ANK2: variants seen among roughly 807,000 people sequenced by gnomAD.
The protein encoded by ANK2 is ankyrin-2.
In ANK2, 83 loss-of-function variants were observed where a neutral mutation model predicts 360.5. The observed-to-expected ratio is 0.23, with a 90% CI of 0.19 to 0.28. The LOEUF is 0.28. Among genes scored for constraint, ANK2 ranks in the 10% least tolerant of loss-of-function variants. ANK2 has a pLI of 1.00. For missense variants in ANK2, 4,201 were observed against 4,795.7 expected, an observed-to-expected ratio of 0.88 and a Z score of 3.66; for synonymous variants, 1,740 against 1,759.5, an observed-to-expected ratio of 0.99 and a Z score of 0.28.
chr4:112,845,989 G>A (rs1370228522), intron 1 of ANK2, among the ~76,000 whole-genome samples: 1 of 152,078 alleles, frequency 6.6e-6, no homozygotes, highest in Non-Finnish European at 1.5e-5. Context: ...AGTTACCATG[G>A]CTTTACTTTG....
At chr4:112,768,283 T>C in the ANK2 span, among the ~76,000 whole-genome samples, 12 of 152,184 alleles carry the variant, frequency 7.9e-5, no homozygotes, top group Non-Finnish European at 1.0e-4. Flanking sequence ...AGATAAGGTC[T>C]CACTCTGTCA....
intron 37 of ANK2, among the ~76,000 whole-genome samples, chr4:113,351,939 T>C (rs893264344): frequency 3.9e-5 from 6 of 152,196 alleles, no homozygotes; most frequent in African/African-American, 1.4e-4. Flanking sequence ...ATCAGTACAT[T>C]TTAGAAGAGT....
chr4:113,248,066 A>G (rs148713654), intron 9 of ANK2, among the ~76,000 whole-genome samples: 64 of 152,294 alleles, frequency 4.2e-4, no homozygotes, highest in African/African-American at 1.2e-3. Context: ...TGAGAAGGCA[A>G]TCTTTTCATG....
chr4:112,801,586 A>G, the ANK2 span, among the ~76,000 whole-genome samples: 1 of 152,214 alleles, frequency 6.6e-6, no homozygotes, highest in Admixed American at 6.5e-5. Flanking sequence ...GGAGGAGCTG[A>G]TAACTAAGTT....
chr4:113,094,154 G>A (rs1481251942), intron 1 of ANK2, among the ~76,000 whole-genome samples: 1 of 152,154 alleles, frequency 6.6e-6, no homozygotes, highest in African/African-American at 2.4e-5. Flanking sequence ...TAAGTCGGAT[G>A]TTGATGTGAA....
chr4:112,948,391 CAT>C (rs930563730), intron 2 of ANK2, among the ~76,000 whole-genome samples: 1 of 151,848 alleles, frequency 6.6e-6, no homozygotes, highest in Non-Finnish European at 1.5e-5. Context: ...TAAAGTTGAA[CAT>C]GTTTTTTTTT....
At chr4:113,156,780 CTA>C (rs10599338) in intron 1 of ANK2, among the ~76,000 whole-genome samples, 2,040 of 148,186 alleles carry the variant, frequency 0.014, 44 homozygotes, top group African/African-American at 0.047. Context: ...TTCAAATGTC[CTA>C]TATATATATA....
intron 28 of ANK2, 31 bp downstream of exon 28, chr4:113,332,101 G>A (rs778179315): frequency 1.3e-6 from 2 of 1,547,676 alleles, no homozygotes; most frequent in Non-Finnish European, 1.8e-6. Context: ...ATTGATGGCT[G>A]CTGGCCCCCC....
Position 113,255,907 on chromosome 4 carries a change from G to T in ANK2, c.1163G>T (p.Arg388Ile). The change falls in exon 11 of 46, where the codon AGA (arginine) becomes ATA (isoleucine). Residue 388 changes from arginine (R) to isoleucine (I), a missense_variant. By Grantham distance (97) the Arg-to-Ile change is moderately conservative. Coordinates refer to ENST00000357077, the MANE Select transcript of ANK2 (RefSeq NM_001148.6). ...GTAACCAAACTCCTTTTAGACAAGA[G>T]AGCCAATCCGAACGCCAGAGCCCTG... ...YRVTKLLLDK[R>I]ANPNARALNG... The T allele has an allele frequency of 2.5e-6, 4 of 1,614,184 alleles. No individual in the cohort carries two copies. The highest frequency in any genetic ancestry group is 3.4e-6 in the Non-Finnish European group (4 of 1,180,038).
At chr4:112,735,305 T>C in the ANK2 span, among the ~76,000 whole-genome samples, 1 of 152,056 alleles carries the variant, frequency 6.6e-6, no homozygotes, top group South Asian at 2.1e-4. Context: ...CACTCCAGGC[T>C]GGGTGGCAGA....
At chr4:113,348,142 G>C in intron 35 of ANK2, 134 bp from the exon 36 acceptor site, 2 of 829,488 alleles carry the variant, frequency 2.4e-6, no homozygotes, top group Non-Finnish European at 4.0e-6. Flanking sequence ...AATAAAAAAA[G>C]AGTATGTTGA....
chr4:113,261,899 A>G (rs757609278), intron 13 of ANK2, among the ~76,000 whole-genome samples: 1 of 152,220 alleles, frequency 6.6e-6, no homozygotes, highest in Non-Finnish European at 1.5e-5. Context: ...TAAAAAATAA[A>G]CATGAAGGCC....
the ANK2 span, among the ~76,000 whole-genome samples, chr4:112,728,847 TAAC>T: frequency 6.6e-6 from 1 of 152,154 alleles, no homozygotes; most frequent in African/African-American, 2.4e-5. Flanking sequence ...AATTTTAAAA[TAAC>T]AACTGTTGGT....
intron 13 of ANK2, among the ~76,000 whole-genome samples, chr4:113,263,910 AC>A (rs1366718293): frequency 6.6e-6 from 1 of 152,202 alleles, no homozygotes; most frequent in Non-Finnish European, 1.5e-5. Flanking sequence ...TAGAGTAATA[AC>A]CGGCTACTTG....
chr4:113,264,774 C>T (rs2054990268), intron 13 of ANK2, 123 bp from the exon 14 acceptor site: 1 of 945,408 alleles, frequency 1.1e-6, no homozygotes, highest in Non-Finnish European at 1.6e-6. Flanking sequence ...ATAATTATGC[C>T]TTTTCATAGG....
intron 2 of ANK2, among the ~76,000 whole-genome samples, chr4:112,905,390 C>A (rs867697960): frequency 6.6e-6 from 1 of 152,090 alleles, no homozygotes; most frequent in Non-Finnish European, 1.5e-5. Flanking sequence ...GAGAAATCAA[C>A]TTAGCTTTTT....
rs768810463 is a variant in ANK2, at chr4:113,365,020, T to C, written c.10889-19T>C. On this transcript the variant is annotated intron_variant, in intron 40 of 45. Coordinates refer to ENST00000357077, the MANE Select transcript of ANK2 (RefSeq NM_001148.6). ...AGTACCTCTCAGACATAATAAATGC[T>C]GTTTCTCTAATGTGTCAGATACCAA... The C allele has an allele frequency of 3.1e-6, 5 of 1,613,452 alleles. No individual in the cohort carries two copies. Among genetic ancestry groups the C allele is most frequent in the Admixed American group, 1.7e-5 (1 of 59,988 alleles).
intron 1 of ANK2, among the ~76,000 whole-genome samples, chr4:113,161,695 CGTGT>C (rs56162406): frequency 0.059 from 8,578 of 144,700 alleles, 246 homozygotes; most frequent in Middle Eastern, 0.1. Context: ...GTTTTAGTCT[CGTGT>C]GTGTGTGTGT....
At chr4:113,287,420 T>C (rs1341938867) in intron 18 of ANK2, among the ~76,000 whole-genome samples, 185 bp from the exon 19 acceptor site, 1 of 152,186 alleles carries the variant, frequency 6.6e-6, no homozygotes, top group African/African-American at 2.4e-5. Flanking sequence ...TTAGAGGACA[T>C]GTCTTAGAGG....
Sources: gnomAD v4.1 joint callset for allele counts (sites outside exome capture counted in the v4.1 genomes callset) on GRCh38, gnomAD v4.1.1 for gene constraint, MANE v1.5 for transcripts, NCBI Gene and HGNC (gene_info 2026-07-23, HGNC 2026-07-21) for gene names.